MYH10: variants seen among roughly 807,000 people sequenced by gnomAD.
The protein encoded by MYH10 is myosin-10.
Under a neutral mutation model 257.8 loss-of-function variants are expected in MYH10, and 55 were observed. The ratio of observed to expected loss-of-function variants is 0.21; its 90% CI spans 0.17 to 0.27. The LOEUF (loss-of-function observed/expected upper bound fraction) is 0.27, where lower values mean the gene tolerates loss of function less well. MYH10 is among the 10% of genes least tolerant of loss of function. The probability of loss-of-function intolerance (pLI) is 1.00; values close to 1 mark genes in which losing one functional copy is unlikely to be tolerated. For missense variants in MYH10, 1,631 were observed against 2,500.6 expected (o/e 0.65, Z 7.42); for synonymous variants, 854 against 921.7 (o/e 0.93, Z 1.33).
rs2080970742 is a variant in MYH10 at position 8,503,371 on chromosome 17, C to T, written c.3599+1323G>A. Among the ~76,000 whole-genome samples the T allele has an allele frequency of 2.6e-5, 4 of 152,270 alleles. No individual in the cohort carries two copies. In the South Asian group the frequency reaches 8.3e-4, roughly 32 times the overall value. On this transcript the variant is annotated intron_variant, in intron 28 of 42. Coordinates refer to ENST00000360416, the MANE Select transcript of MYH10 (RefSeq NM_001256012.3). ...GCCTGGCTCAGATGGGGTTTTTCCT[C>T]TCTCTGGGTAAAAGCTGAAGACAAA... is the stretch of plus-strand genomic sequence containing the variant.
intron 40 of MYH10, among the ~76,000 whole-genome samples, chr17:8,479,553 G>A (rs895346824): frequency 5.3e-5 from 8 of 152,154 alleles, no homozygotes; most frequent in Non-Finnish European, 8.8e-5. Flanking sequence ...TTCTGGCCGC[G>A]AGCCCTGCAT....
intron 11 of MYH10, among the ~76,000 whole-genome samples, chr17:8,547,907 A>C (rs576147385): frequency 6.6e-6 from 1 of 151,546 alleles, no homozygotes; most frequent in Non-Finnish European, 1.5e-5. Context: ...AAAAATGGGA[A>C]TATTTCCTAT....
chr17:8,554,175 G>A, intron 7 of MYH10, 157 bp from the exon 8 acceptor site: 1 of 464,160 alleles, frequency 2.2e-6, no homozygotes, highest in Non-Finnish European at 3.9e-6. Flanking sequence ...AAAACAGGCT[G>A]TGATACATTT....
At chr17:8,565,125 AT>A (rs2083123705) in intron 7 of MYH10, among the ~76,000 whole-genome samples, 1 of 152,250 alleles carries the variant, frequency 6.6e-6, no homozygotes, top group Admixed American at 6.5e-5. Flanking sequence ...AAAGGAACAA[AT>A]TTTGAAAGGA....
chr17:8,582,838 T>C (rs1203879883), intron 4 of MYH10, among the ~76,000 whole-genome samples: 1 of 152,246 alleles, frequency 6.6e-6, no homozygotes, highest in Admixed American at 6.5e-5. Context: ...TCTTTATTGG[T>C]AAAAATATTG....
intron 4 of MYH10, among the ~76,000 whole-genome samples, chr17:8,577,776 C>T (rs1204884527): frequency 6.6e-6 from 1 of 152,170 alleles, no homozygotes; most frequent in Non-Finnish European, 1.5e-5. Flanking sequence ...AAGTGATCTG[C>T]TCACCTTGGC....
rs1917402239 is a variant in MYH10 at position 8,500,801 on chromosome 17, C to T, written c.3744+25G>A. The T allele has an allele frequency of 3.1e-6, 5 of 1,606,674 alleles. No individual in the cohort carries two copies. In the East Asian group the frequency reaches 1.1e-4, roughly 36 times the overall value. On this transcript the variant is annotated intron_variant, in intron 29 of 42. Transcript: ENST00000360416. ...CTGACGACAGACTTTCTCCAGGCCACAGCACACGGCAGGGCCTCCCTTACC... is the reference window on the plus strand; with the variant it reads ...CTGACGACAGACTTTCTCCAGGCCATAGCACACGGCAGGGCCTCCCTTACC...
chr17:8,550,211 C>T (rs1473929128), intron 9 of MYH10, among the ~76,000 whole-genome samples: 2 of 151,374 alleles, frequency 1.3e-5, no homozygotes, highest in East Asian at 3.9e-4. Context: ...AGGAGCGTCT[C>T]CACCCGGCTG....
At chr17:8,530,521 T>G (rs1597749452) in intron 17 of MYH10, 102 bp downstream of exon 17, 2 of 215,062 alleles carry the variant, frequency 9.3e-6, no homozygotes, top group Non-Finnish European at 9.4e-6. Flanking sequence ...GCCCCCAGTC[T>G]ACCCCCGCCC....
At chr17:8,606,687 T>C (rs887650185) in intron 2 of MYH10, among the ~76,000 whole-genome samples, 2 of 152,232 alleles carry the variant, frequency 1.3e-5, no homozygotes, top group African/African-American at 2.4e-5. Flanking sequence ...GAACTCACAA[T>C]TGCAGGCTCA....
chr17:8,625,161 G>C (rs753205193), intron 1 of MYH10, among the ~76,000 whole-genome samples: 13 of 152,204 alleles, frequency 8.5e-5, no homozygotes, highest in Non-Finnish European at 8.8e-5. Flanking sequence ...TGAGGCAGGA[G>C]AATTGCTTGA....
rs550228909 is a variant in MYH10, at chr17:8,551,445, T to A, written c.919+601A>T. 4.4e-3 allele frequency among the ~76,000 whole-genome samples: 665 copies of A among 152,282 alleles called. 10 individuals are homozygous for A. Among genetic ancestry groups the A allele is most frequent in the African/African-American group, 0.015 (617 of 41,544 alleles). On this transcript the variant is annotated intron_variant, in intron 9 of 42. Transcript: ENST00000360416. Reference sequence around the variant, plus strand: ...TACTTTGATATCTAGATAATATATATAATAATCATGCAGAAACACTAAATT... The same window carrying A: ...TACTTTGATATCTAGATAATATATAAAATAATCATGCAGAAACACTAAATT...
At chr17:8,527,377 T>C (rs2081879002) in intron 17 of MYH10, among the ~76,000 whole-genome samples, 1 of 152,202 alleles carries the variant, frequency 6.6e-6, no homozygotes, top group African/African-American at 2.4e-5. Flanking sequence ...TACCTTCCTA[T>C]CCCTTTCGGC....
intron 24 of MYH10, 46 bp from the exon 25 acceptor site, chr17:8,509,995 AC>A: frequency 6.7e-7 from 1 of 1,484,802 alleles, no homozygotes; most frequent in Non-Finnish European, 9.1e-7. Flanking sequence ...TCGAGATTTG[AC>A]CACACATTCA....
intron 16 of MYH10, among the ~76,000 whole-genome samples, chr17:8,531,560 T>TA (rs1352058930): frequency 6.6e-6 from 1 of 151,532 alleles, no homozygotes; most frequent in East Asian, 1.9e-4. Context: ...CTTTTTCTTT[T>TA]TTTTTTTTTC....
At chr17:8,609,063 G>C (rs2084925890) in intron 2 of MYH10, among the ~76,000 whole-genome samples, 1 of 152,126 alleles carries the variant, frequency 6.6e-6, no homozygotes, top group Non-Finnish European at 1.5e-5. Flanking sequence ...TGCCCGCCTT[G>C]GCCTCCCAAA....
At chr17:8,618,387 G>A (rs966252866) in intron 2 of MYH10, among the ~76,000 whole-genome samples, 1 of 151,946 alleles carries the variant, frequency 6.6e-6, no homozygotes, top group Non-Finnish European at 1.5e-5. Flanking sequence ...CTACAGGCAT[G>A]TGCCACCATG....
Position 8,490,383 on chromosome 17 carries a change from C to T in MYH10, c.4841G>A (p.Arg1614Lys), listed in dbSNP as rs967782057. 1 of 1,614,038 alleles carries T rather than the reference C, an allele frequency of 6.2e-7. No homozygotes were observed. The highest frequency in any genetic ancestry group is 1.3e-5 in the African/African-American group (1 of 74,916). The stretch of plus-strand genomic sequence containing the variant: ...CTTCTTCTCTTCATTCTGCTCATCC[C>T]TGGTTTGCAGGTCTCTCTCGAACTG... The part of the protein sequence containing the change: ...KAQFERDLQT[R>K]DEQNEEKKRL... The change falls in exon 35 of 43, where the codon AGG becomes AAG. Residue 1614 changes from arginine (R) to lysine (K), a missense_variant. Transcript: ENST00000360416. This position sits in a 1 kb window ranked among gnomAD's most constrained non-coding sequence, Gnocchi z 4.1.
At chr17:8,596,238 C>T (rs545195342) in intron 3 of MYH10, among the ~76,000 whole-genome samples, 215 of 151,520 alleles carry the variant, frequency 1.4e-3, no homozygotes, top group Admixed American at 3.0e-3. Flanking sequence ...CTGAAATCTC[C>T]GCCTCCCAGG....
Sources: gnomAD v4.1 joint callset for allele counts (sites outside exome capture counted in the v4.1 genomes callset) on GRCh38, gnomAD v4.1.1 for gene constraint, Gnocchi (gnomAD v3.1) non-coding constraint, MANE v1.5 for transcripts, NCBI Gene and HGNC (gene_info 2026-07-23, HGNC 2026-07-21) for gene names.